TNRC6C: variants seen among roughly 807,000 people sequenced by gnomAD.
The protein encoded by TNRC6C is trinucleotide repeat-containing gene 6C protein.
Under a neutral mutation model 153.7 loss-of-function variants are expected in TNRC6C, and 20 were observed. The ratio of observed to expected loss-of-function variants is 0.13; its 90% CI spans 0.09 to 0.19. The LOEUF (loss-of-function observed/expected upper bound fraction) is 0.19, where lower values mean the gene tolerates loss of function less well. Ranked by LOEUF, TNRC6C falls within the 10% of genes least tolerant of loss-of-function variation. TNRC6C has a pLI of 1.00. For missense variants in TNRC6C, 1,987 were observed against 2,172.0 expected (o/e 0.91, Z 1.69); for synonymous variants, 811 against 841.4 (o/e 0.96, Z 0.63).
At chr17:78,007,161 A>G (rs1484208144) in intron 1 of TNRC6C, among the ~76,000 whole-genome samples, 1 of 152,032 alleles carries the variant, frequency 6.6e-6, no homozygotes, top group Non-Finnish European at 1.5e-5. Context: ...GAGAATTTTC[A>G]TTGCTAACTC....
At chr17:78,016,582 G>T (rs2071732718) in intron 1 of TNRC6C, among the ~76,000 whole-genome samples, 1 of 152,204 alleles carries the variant, frequency 6.6e-6, no homozygotes, top group Admixed American at 6.5e-5. Flanking sequence ...ATTAAGGGGG[G>T]TGGTTTAGAA....
At chr17:78,033,124 TGAATAA>T (rs1263302309) in intron 2 of TNRC6C, among the ~76,000 whole-genome samples, 1 of 152,190 alleles carries the variant, frequency 6.6e-6, no homozygotes, top group Non-Finnish European at 1.5e-5. Flanking sequence ...TTTGAAAAAC[TGAATAA>T]GAAATGTAAC....
intron 1 of TNRC6C, among the ~76,000 whole-genome samples, chr17:77,986,982 T>C (rs2071178805): frequency 1.3e-5 from 2 of 152,226 alleles, no homozygotes. Flanking sequence ...CTAATTTGAA[T>C]AGTTCCTACA....
At chr17:77,971,665 T>C (rs1439633314) in intron 1 of TNRC6C, among the ~76,000 whole-genome samples, 2 of 152,120 alleles carry the variant, frequency 1.3e-5, no homozygotes, top group Non-Finnish European at 2.9e-5. Context: ...GAGATTAAAA[T>C]CTGCTCTGCT....
Position 77,975,487 on chromosome 17 carries a change from A to G in TNRC6C, c.-38+16219A>G, listed in dbSNP as rs146168921. ...TGGTGGAAAGATGGTGGTGGAGGGA[A>G]TGGGGAGACCTCCCTTATAATTTTG... is the stretch of plus-strand genomic sequence containing the variant. On this transcript the variant is annotated intron_variant, in intron 1 of 22. Coordinates refer to the TNRC6C transcript ENST00000636222. Among the ~76,000 whole-genome samples the G allele has an allele frequency of 3.3e-5, 5 of 152,342 alleles. No homozygotes were observed. The East Asian group carries it at 9.6e-4, about 29-fold the overall frequency.
At chr17:78,103,674 C>G in intron 19 of TNRC6C, 121 bp downstream of exon 22, 2 of 1,390,528 alleles carry the variant, frequency 1.4e-6, no homozygotes, top group Non-Finnish European at 1.9e-6. Context: ...GCTGGCCACC[C>G]TCCCACTTCT....
intron 1 of TNRC6C, among the ~76,000 whole-genome samples, chr17:77,976,951 A>AC (rs1195025357): frequency 5.4e-4 from 82 of 150,494 alleles, no homozygotes; most frequent in African/African-American, 2.0e-3. Context: ...AAAAAAAAAA[A>AC]AAAAAAAAAC....
chr17:78,047,426 C>T (rs998736261), intron 2 of TNRC6C, among the ~76,000 whole-genome samples: 31 of 152,294 alleles, frequency 2.0e-4, no homozygotes, highest in African/African-American at 6.3e-4. Context: ...CCTGGAATTA[C>T]GTACCTACTT....
chr17:77,994,718 C>T (rs1266358922), intron 1 of TNRC6C, among the ~76,000 whole-genome samples: 1 of 151,792 alleles, frequency 6.6e-6, no homozygotes, highest in African/African-American at 2.4e-5. Flanking sequence ...CCACAAGTTT[C>T]AGAACACAGA....
At chr17:78,029,688 A>G (rs2072021792) in intron 1 of TNRC6C, among the ~76,000 whole-genome samples, 1 of 152,202 alleles carries the variant, frequency 6.6e-6, no homozygotes, top group Admixed American at 6.5e-5. Context: ...AATAACACTT[A>G]GCTTAAAAGA....
chr17:78,050,176 A>C, exon 3 of TNRC6C: 1 of 1,563,264 alleles, frequency 6.4e-7, no homozygotes, highest in Non-Finnish European at 8.6e-7. Context: ...CACCAGCCAG[A>C]ACCCTACCGT....
chr17:78,093,797 C>T (rs574005087), intron 16 of TNRC6C, 34 bp downstream of exon 18: 58 of 1,612,094 alleles, frequency 3.6e-5, no homozygotes, highest in South Asian at 4.4e-5. Flanking sequence ...TCTGCATGGA[C>T]GGTCTCTCTA....
In TNRC6C at chr17:78,104,937, C is replaced by T; in HGVS notation, c.*92C>T. The T allele has an allele frequency of 7.3e-7, 1 of 1,365,518 alleles. No individual in the cohort carries two copies. The allele number at this position is 1,365,518 out of a possible 1,614,324, so 84.6% of individuals were successfully genotyped here. ...CAGACCCGCTGGAACCCAGCAGCGGCCGCCCTTTTGAGTACCTCTGTCCAG... is the reference window on the plus strand; with the variant it reads ...CAGACCCGCTGGAACCCAGCAGCGGTCGCCCTTTTGAGTACCTCTGTCCAG... On this transcript the variant is annotated 3_prime_UTR_variant, in exon 20 of 20. Coordinates refer to ENST00000301624, the Ensembl canonical transcript of TNRC6C. The surrounding 1 kb of genome is among the most constrained non-coding windows in gnomAD (Gnocchi z 6.2).
chr17:78,042,941 G>A (rs1441691628), intron 2 of TNRC6C, among the ~76,000 whole-genome samples: 2 of 152,082 alleles, frequency 1.3e-5, no homozygotes, highest in African/African-American at 2.4e-5. Flanking sequence ...CGGTTTGGGG[G>A]TTTTGTATGT....
intron 1 of TNRC6C, among the ~76,000 whole-genome samples, chr17:78,030,092 T>C (rs999065536): frequency 1.3e-5 from 2 of 152,306 alleles, no homozygotes; most frequent in Admixed American, 6.5e-5. Flanking sequence ...ATATAGTTAT[T>C]ATGAACCATT....
chr17:77,973,959 T>TTTGTTGTTG (rs372932549), intron 1 of TNRC6C, among the ~76,000 whole-genome samples: 1 of 151,098 alleles, frequency 6.6e-6, no homozygotes, highest in East Asian at 1.9e-4. Context: ...CCAGAAGGCT[T>TTTGTTGTTG]TTGTTGTTGT....
intron 17 of TNRC6C, among the ~76,000 whole-genome samples, chr17:78,100,725 A>C (rs931266169): frequency 2.6e-5 from 4 of 151,164 alleles, no homozygotes; most frequent in Non-Finnish European, 5.9e-5. Flanking sequence ...TACTTAGGCA[A>C]ATTTCTGCAC....
chr17:77,997,223 C>T (rs148702280), intron 1 of TNRC6C, among the ~76,000 whole-genome samples: 82 of 152,160 alleles, frequency 5.4e-4, no homozygotes, highest in African/African-American at 1.4e-3. Flanking sequence ...TAGTGAGTCT[C>T]GAGAATTAAA....
At chr17:78,055,395 GCAT>G (rs1449743579) in intron 3 of TNRC6C, among the ~76,000 whole-genome samples, 1 of 152,168 alleles carries the variant, frequency 6.6e-6, no homozygotes, top group African/African-American at 2.4e-5. Context: ...TCTTGTATCA[GCAT>G]CATCAGTTGT....
Sources: gnomAD v4.1 joint callset for allele counts (sites outside exome capture counted in the v4.1 genomes callset) on GRCh38, gnomAD v4.1.1 for gene constraint, Gnocchi (gnomAD v3.1) non-coding constraint, MANE v1.5 for transcripts, NCBI Gene and HGNC (gene_info 2026-07-23, HGNC 2026-07-21) for gene names.